ABL1: variants seen among roughly 807,000 people sequenced by gnomAD.
The protein encoded by ABL1 is tyrosine-protein kinase ABL1.
ABL1 carries 11 observed loss-of-function variants against 94.7 expected under a neutral mutation model. The observed-to-expected ratio is 0.12, with a 90% confidence interval of 0.07 to 0.19. ABL1 has a LOEUF of 0.19. ABL1 is among the 10% of genes least tolerant of loss of function. The probability of loss-of-function intolerance (pLI) is 1.00; values close to 1 mark genes in which losing one functional copy is unlikely to be tolerated. For missense variants in ABL1, 1,082 were observed against 1,489.4 expected (o/e 0.73, Z 4.50); for synonymous variants, 656 against 622.4 (o/e 1.05, Z -0.80).
intron 4 of ABL1, among the ~76,000 whole-genome samples, chr9:130,870,080 T>G (rs1364786307): frequency 6.6e-6 from 1 of 152,236 alleles, no homozygotes; most frequent in Non-Finnish European, 1.5e-5. Flanking sequence ...CCCAAAGTGT[T>G]GGGATTACAG....
chr9:130,757,820 C>A (rs1328973220), intron 1 of ABL1, among the ~76,000 whole-genome samples: 2 of 151,996 alleles, frequency 1.3e-5, no homozygotes, highest in Non-Finnish European at 2.9e-5. Flanking sequence ...GGATTACAGG[C>A]ATGAGCCACT....
At chr9:130,739,174 G>A (rs1057136248) in intron 1 of ABL1, among the ~76,000 whole-genome samples, 1 of 152,182 alleles carries the variant, frequency 6.6e-6, no homozygotes, top group South Asian at 2.1e-4. Flanking sequence ...GATTACAGGC[G>A]TGAAACACTG....
At chr9:130,857,749 A>G (rs1017985246) in intron 3 of ABL1, among the ~76,000 whole-genome samples, 2 of 151,642 alleles carry the variant, frequency 1.3e-5, no homozygotes, top group Non-Finnish European at 2.9e-5. Flanking sequence ...CTGAAATCCT[A>G]TTGCCCATAT....
chr9:130,864,569 ATATT>A (rs769630372), intron 4 of ABL1, among the ~76,000 whole-genome samples: 11 of 152,224 alleles, frequency 7.2e-5, no homozygotes, highest in Non-Finnish European at 1.3e-4. Flanking sequence ...AATTGAATAA[ATATT>A]TATCAAGTTC....
chr9:130,732,876 C>G (rs536312478), intron 1 of ABL1, among the ~76,000 whole-genome samples: 1 of 151,906 alleles, frequency 6.6e-6, no homozygotes, highest in Admixed American at 6.6e-5. Context: ...CTGCCAGGAG[C>G]GTGGCTTGTT....
At chr9:130,783,274 T>G (rs570321355) in intron 1 of ABL1, among the ~76,000 whole-genome samples, 1 of 152,322 alleles carries the variant, frequency 6.6e-6, no homozygotes, top group East Asian at 1.9e-4. Flanking sequence ...AATTGTGTGT[T>G]TTTTTTGGCA....
At chr9:130,742,850 T>C (rs1831837353) in intron 1 of ABL1, among the ~76,000 whole-genome samples, 1 of 152,016 alleles carries the variant, frequency 6.6e-6, no homozygotes, top group Admixed American at 6.6e-5. Flanking sequence ...TAATATATAC[T>C]GTATAATACC....
At chr9:130,857,060 A>C (rs113262045) in intron 3 of ABL1, among the ~76,000 whole-genome samples, 6 of 152,240 alleles carry the variant, frequency 3.9e-5, no homozygotes, top group African/African-American at 1.2e-4. Flanking sequence ...TATGTAACGC[A>C]CTCTGATAGT....
intron 1 of ABL1, among the ~76,000 whole-genome samples, chr9:130,750,041 T>G (rs1831935559): frequency 6.6e-6 from 1 of 150,814 alleles, no homozygotes; most frequent in Admixed American, 6.6e-5. Flanking sequence ...ATTATCCAGG[T>G]GTGGTGGTGC....
intron 6 of ABL1, 98 bp from the exon 7 acceptor site, chr9:130,874,770 T>A (rs1402160787): frequency 7.7e-7 from 1 of 1,306,056 alleles, no homozygotes; most frequent in East Asian, 2.3e-5. Flanking sequence ...GGACTCAATC[T>A]TTCCATTGTC....
intron 1 of ABL1, among the ~76,000 whole-genome samples, chr9:130,837,180 A>T (rs947940613): frequency 1.2e-4 from 18 of 152,116 alleles, no homozygotes; most frequent in South Asian, 2.1e-4. Flanking sequence ...GAGGGTGGAG[A>T]TTGTTTATTT....
intron 1 of ABL1, among the ~76,000 whole-genome samples, chr9:130,745,251 A>G (rs1193100037): frequency 6.6e-6 from 1 of 151,622 alleles, no homozygotes. Flanking sequence ...CACCTGGCTA[A>G]TTTTGTATTT....
intron 1 of ABL1, among the ~76,000 whole-genome samples, chr9:130,717,060 T>G (rs1831452213): frequency 6.6e-6 from 1 of 152,090 alleles, no homozygotes; most frequent in Admixed American, 6.6e-5. Flanking sequence ...TGTTCGTTTT[T>G]GCGACAGAGT....
chr9:130,722,596 C>A (rs1831530688), intron 1 of ABL1, among the ~76,000 whole-genome samples: 1 of 152,068 alleles, frequency 6.6e-6, no homozygotes, highest in Non-Finnish European at 1.5e-5. Context: ...CTCCAGTGAT[C>A]CTCTTGCCTT....
At chr9:130,852,262 T>C (rs182239418) in intron 1 of ABL1, among the ~76,000 whole-genome samples, 3 of 152,234 alleles carry the variant, frequency 2.0e-5, no homozygotes, top group African/African-American at 7.2e-5. Flanking sequence ...AGATCTCAGC[T>C]CACTGCAACC....
intron 1 of ABL1, among the ~76,000 whole-genome samples, chr9:130,799,956 T>G (rs1051357027): frequency 6.6e-6 from 1 of 152,014 alleles, no homozygotes; most frequent in South Asian, 2.1e-4. Flanking sequence ...CACTGCAACC[T>G]CTGCCTCCCC....
intron 7 of ABL1, among the ~76,000 whole-genome samples, chr9:130,875,935 C>T (rs1301920866): frequency 6.6e-6 from 1 of 152,186 alleles, no homozygotes; most frequent in Non-Finnish European, 1.5e-5. Flanking sequence ...TCAAGCGATT[C>T]TCCTGCCTCA....
At chr9:130,758,696 G>A (rs1307693955) in intron 1 of ABL1, among the ~76,000 whole-genome samples, 2 of 152,218 alleles carry the variant, frequency 1.3e-5, no homozygotes, top group Non-Finnish European at 2.9e-5. Context: ...GCCTCCCAAA[G>A]TGCTGGGATT....
At chr9:130,730,046 C>CTTTTTTTTTTTTTTTTTTTTTT (rs138446676) in intron 1 of ABL1, among the ~76,000 whole-genome samples, 6 of 107,174 alleles carry the variant, frequency 5.6e-5, no homozygotes, top group Non-Finnish European at 7.5e-5. Context: ...CCCAGCCAGA[C>CTTTTTTTTTTTTTTTTTTTTTT]TTTTTTTTTT....
Sources: gnomAD v4.1 joint callset for allele counts (sites outside exome capture counted in the v4.1 genomes callset) on GRCh38, gnomAD v4.1.1 for gene constraint, MANE v1.5 for transcripts, NCBI Gene and HGNC (gene_info 2026-07-23, HGNC 2026-07-21) for gene names.